The following RALYL variants were observed in gnomAD, a reference collection of about 807,000 sequenced individuals.
RALYL encodes RALY RNA binding protein like, also known as RNA-binding Raly-like protein.
A neutral mutation model predicts 35.1 loss-of-function variants in RALYL; 29 were observed. The ratio of observed to expected loss-of-function variants is 0.83; its 90% confidence interval spans 0.61 to 1.13. RALYL has a LOEUF of 1.13. Among genes scored for constraint, RALYL ranks in the 50% most tolerant of loss-of-function variants. RALYL has a pLI of 0.00. For synonymous variants in RALYL, 120 were observed against 127.6 expected (o/e 0.94, Z 0.40); for missense variants, 359 against 360.4 (o/e 1.00, Z 0.03).
chr8:84,673,856 T>C (rs752465154), intron 2 of RALYL, among the ~76,000 whole-genome samples: 4 of 152,208 alleles, frequency 2.6e-5, no homozygotes, highest in Non-Finnish European at 4.4e-5. Flanking sequence ...GACTTGACAA[T>C]TTAGGTTCCC....
chr8:84,616,883 T>C (rs1341187669), intron 2 of RALYL, among the ~76,000 whole-genome samples: 2 of 151,458 alleles, frequency 1.3e-5, no homozygotes, highest in Non-Finnish European at 2.9e-5. Flanking sequence ...CTCAGGTTTG[T>C]CAAAGATCAG....
intron 1 of RALYL, among the ~76,000 whole-genome samples, chr8:84,338,863 G>T (rs1042952752): frequency 2.6e-5 from 4 of 152,070 alleles, no homozygotes; most frequent in Non-Finnish European, 5.9e-5. Flanking sequence ...TTTTCCAAAA[G>T]AGTTTTATTT....
intron 2 of RALYL, among the ~76,000 whole-genome samples, chr8:84,642,433 C>A (rs767934302): frequency 2.6e-5 from 4 of 151,742 alleles, no homozygotes; most frequent in Non-Finnish European, 5.9e-5. Context: ...CCAATGTTTA[C>A]ATTCTAGATA....
At chr8:84,295,132 A>G (rs1839516682) in intron 1 of RALYL, among the ~76,000 whole-genome samples, 1 of 152,074 alleles carries the variant, frequency 6.6e-6, no homozygotes, top group Admixed American at 6.6e-5. Flanking sequence ...ATGACAGTGG[A>G]TTGGGGTGGG....
chr8:84,631,502 G>A (rs187393263), intron 2 of RALYL, among the ~76,000 whole-genome samples: 3 of 152,062 alleles, frequency 2.0e-5, no homozygotes, highest in Non-Finnish European at 4.4e-5. Context: ...TTTGAAACCT[G>A]TGTAACACTG....
intron 1 of RALYL, among the ~76,000 whole-genome samples, chr8:84,283,037 T>C (rs1836911304): frequency 6.6e-6 from 1 of 151,922 alleles, no homozygotes; most frequent in Non-Finnish European, 1.5e-5. Flanking sequence ...TAATTAGAAA[T>C]GTAGTCATTC....
At chr8:84,201,369 A>T (rs1202435407) in intron 1 of RALYL, among the ~76,000 whole-genome samples, 2 of 152,186 alleles carry the variant, frequency 1.3e-5, no homozygotes, top group Non-Finnish European at 2.9e-5. Context: ...TTGTTGGTTT[A>T]GAGCTAAGCA....
intron 2 of RALYL, among the ~76,000 whole-genome samples, chr8:84,577,473 G>A (rs1809744656): frequency 6.6e-6 from 1 of 152,192 alleles, no homozygotes; most frequent in African/African-American, 2.4e-5. Context: ...GGTTTGATTA[G>A]TGATAGAAAG....
intron 2 of RALYL, among the ~76,000 whole-genome samples, chr8:84,618,153 G>T (rs1030490864): frequency 6.6e-6 from 1 of 151,816 alleles, no homozygotes; most frequent in Non-Finnish European, 1.5e-5. Context: ...GATTGGAATA[G>T]TTTCAGAAGG....
intron 1 of RALYL, among the ~76,000 whole-genome samples, chr8:84,468,279 T>C (rs1286627905): frequency 4.6e-5 from 7 of 152,190 alleles, no homozygotes. Flanking sequence ...CAGCGGCTGG[T>C]ACCCGTTGTT....
intron 1 of RALYL, among the ~76,000 whole-genome samples, chr8:84,253,738 AG>A (rs1244008707): frequency 6.6e-6 from 1 of 152,070 alleles, no homozygotes; most frequent in South Asian, 2.1e-4. Flanking sequence ...GAAATCTCTC[AG>A]TTACCTCTGT....
chr8:84,420,746 C>G (rs317958), intron 1 of RALYL, among the ~76,000 whole-genome samples: 34,214 of 78,036 alleles, frequency 0.44, 8,918 homozygotes, highest in Middle Eastern at 0.59. Flanking sequence ...GAGGGATCCA[C>G]TTTCAGCTTC....
chr8:84,675,720 C>T (rs886392979), intron 2 of RALYL, among the ~76,000 whole-genome samples: 5 of 152,030 alleles, frequency 3.3e-5, no homozygotes, highest in East Asian at 1.9e-4. Flanking sequence ...TGAGTTCCCC[C>T]TTTTCTGTAG....
chr8:84,802,225 T>C (rs1164730512), intron 3 of RALYL, among the ~76,000 whole-genome samples: 2 of 152,196 alleles, frequency 1.3e-5, no homozygotes, highest in African/African-American at 4.8e-5. Context: ...TTTCATGAAT[T>C]TTCATGTGTC....
At chr8:84,546,133 G>GAT (rs1031671755) in intron 2 of RALYL, among the ~76,000 whole-genome samples, 1 of 151,888 alleles carries the variant, frequency 6.6e-6, no homozygotes, top group Non-Finnish European at 1.5e-5. Flanking sequence ...AAGAGAAAAA[G>GAT]ATATATATTT....
chr8:84,429,788 T>C lies in RALYL; in HGVS notation c.-23-99511T>C, dbSNP rs1353490377. ...CATGTAAATTTCCCATCAGCAATTA[T>C]AAAAGGAAAACATGTCATTTACTAG... On this transcript the variant is annotated intron_variant, in intron 1 of 8. Transcript: ENST00000521268. 2.0e-5 allele frequency among the ~76,000 whole-genome samples: 3 copies of C among 152,036 alleles called. No homozygotes were observed. The East Asian group carries it at 5.8e-4, about 29-fold the overall frequency.
chr8:84,698,460 G>A (rs1839567462), intron 2 of RALYL, among the ~76,000 whole-genome samples: 1 of 151,994 alleles, frequency 6.6e-6, no homozygotes. Flanking sequence ...AGCAGAATAT[G>A]CAAGATATCA....
At chr8:84,631,521 C>T (rs1372224461) in intron 2 of RALYL, among the ~76,000 whole-genome samples, 2 of 151,864 alleles carry the variant, frequency 1.3e-5, no homozygotes, top group Non-Finnish European at 2.9e-5. Context: ...TGCTCAAATA[C>T]ATGAGTATAA....
chr8:84,862,239 T>TTTGA (rs2135057451), intron 5 of RALYL, 57 bp from the exon 6 acceptor site: 1 of 1,363,192 alleles, frequency 7.3e-7, no homozygotes, highest in Non-Finnish European at 9.7e-7. Context: ...ATTTCACATA[T>TTTGA]TTGATAGAAC....
Sources: allele counts gnomAD v4.1 joint callset (sites outside exome capture counted in the v4.1 genomes callset), GRCh38; gene constraint gnomAD v4.1.1; transcripts MANE v1.5; gene names NCBI Gene and HGNC (gene_info 2026-07-23, HGNC 2026-07-21).